Variants in PMFBP1 observed in about 807,000 individuals in gnomAD.
PMFBP1 encodes the protein polyamine-modulated factor 1-binding protein 1.
PMFBP1 carries 131 observed loss-of-function variants against 137.8 expected under a neutral mutation model. That is an observed-to-expected ratio of 0.95 (90% CI 0.82 to 1.10). The LOEUF is 1.10. Ranked by LOEUF, PMFBP1 falls within the 50% of genes least tolerant of loss-of-function variation. PMFBP1 has a pLI of 0.00. For synonymous variants in PMFBP1, 490 were observed against 450.4 expected, an observed-to-expected ratio of 1.09 and a Z score of -1.11; for missense variants, 1,199 against 1,175.4, an observed-to-expected ratio of 1.02 and a Z score of -0.29.
the PMFBP1 span, among the ~76,000 whole-genome samples, chr16:72,249,920 C>CAAAAAAAAAAAAAAA: frequency 6.6e-5 from 2 of 30,124 alleles, no homozygotes; most frequent in Non-Finnish European, 1.2e-4. Flanking sequence ...GACTCCATCG[C>CAAAAAAAAAAAAAAA]AAAAAAAAAA....
At chr16:72,207,590 G>C in the PMFBP1 span, among the ~76,000 whole-genome samples, 1 of 151,966 alleles carries the variant, frequency 6.6e-6, no homozygotes, top group Non-Finnish European at 1.5e-5. Context: ...AGAACTAAGA[G>C]GTAACTCCAG....
chr16:72,140,604 G>C (rs200217316), intron 5 of PMFBP1, 22 bp from the exon 6 acceptor site: 67 of 1,601,344 alleles, frequency 4.2e-5, no homozygotes, highest in Non-Finnish European at 5.5e-5. Context: ...AAAAATAATG[G>C]GTTGATTTTG....
the PMFBP1 span, among the ~76,000 whole-genome samples, chr16:72,210,111 C>A: frequency 3.3e-5 from 5 of 152,200 alleles, no homozygotes; most frequent in Non-Finnish European, 7.3e-5. Flanking sequence ...CCACCTGTAC[C>A]ATTAGGAGTG....
chr16:72,233,940 A>G, the PMFBP1 span, among the ~76,000 whole-genome samples: 1 of 152,150 alleles, frequency 6.6e-6, no homozygotes, highest in Admixed American at 6.5e-5. Flanking sequence ...GCCAAATAAT[A>G]TTCCATTGTA....
At chr16:72,119,624 T>C (rs908107908) in intron 20 of PMFBP1, 12 of 1,444,128 alleles carry the variant, frequency 8.3e-6, no homozygotes, top group Non-Finnish European at 1.1e-5. Flanking sequence ...AGGGGGCAGG[T>C]CTGAGATGTG....
chr16:72,208,173 T>C, the PMFBP1 span, among the ~76,000 whole-genome samples: 1 of 152,220 alleles, frequency 6.6e-6, no homozygotes, highest in Non-Finnish European at 1.5e-5. Flanking sequence ...CAAGATAATG[T>C]GTGGCCAAAT....
At chr16:72,143,110 T>C (rs368672144) in intron 5 of PMFBP1, among the ~76,000 whole-genome samples, 1 of 152,250 alleles carries the variant, frequency 6.6e-6, no homozygotes, top group African/African-American at 2.4e-5. Flanking sequence ...AAACATCTGA[T>C]AAAATTCAAC....
At chr16:72,124,681 C>CA (rs879930274) in intron 17 of PMFBP1, 86 bp downstream of exon 17, 11 of 1,502,844 alleles carry the variant, frequency 7.3e-6, no homozygotes, top group Non-Finnish European at 8.1e-6. Context: ...CTCCCACCCC[C>CA]ACCAAGGGCT....
At chr16:72,127,629 T>C (rs758002541) in intron 14 of PMFBP1, among the ~76,000 whole-genome samples, 2 of 152,206 alleles carry the variant, frequency 1.3e-5, no homozygotes, top group Non-Finnish European at 2.9e-5. Flanking sequence ...AATCTACATA[T>C]AGAAGTATGT....
chr16:72,163,239 T>C (rs1169360008), intron 3 of PMFBP1, among the ~76,000 whole-genome samples: 1 of 152,114 alleles, frequency 6.6e-6, no homozygotes, highest in African/African-American at 2.4e-5. Context: ...AGACCACAAG[T>C]AAAGAATTCT....
chr16:72,193,851 C>T, the PMFBP1 span, among the ~76,000 whole-genome samples: 1 of 152,120 alleles, frequency 6.6e-6, no homozygotes, highest in Non-Finnish European at 1.5e-5. Context: ...CGCACACATA[C>T]CACCGCTAGC....
the PMFBP1 span, among the ~76,000 whole-genome samples, chr16:72,241,667 C>G: frequency 6.6e-6 from 1 of 152,170 alleles, no homozygotes; most frequent in Non-Finnish European, 1.5e-5. Context: ...CTGTTTTCAT[C>G]TACTAAGTAA....
chr16:72,123,624 AC>A lies in PMFBP1; in HGVS notation c.2614del (p.Val872CysfsTer16). ...KEPCCLPQWS[V>X]PKDTCRLYRG... ...GTAGAGCCTACAGGTGTCTTTGGGC[AC>A]AGACCACTGGGGCAGGCAGCAGGGC... On this transcript the variant is annotated frameshift_variant, in exon 18 of 21. Coordinates refer to ENST00000237353, the MANE Select transcript of PMFBP1 (RefSeq NM_031293.3). LOFTEE classifies it high-confidence loss of function. 6.2e-7 allele frequency: 1 copy of A among 1,614,068 alleles called. No homozygotes were observed.
At position 72,129,047 on chromosome 16, in the gene PMFBP1, C is replaced by G. The variant is rs746079474; in HGVS notation, c.1950+19G>C. 7 of 1,611,724 alleles carry G rather than the reference C, an allele frequency of 4.3e-6. No homozygotes were observed. In the South Asian group the frequency reaches 5.5e-5, roughly 13 times the overall value. On this transcript the variant is annotated intron_variant, in intron 13 of 20. Transcript: ENST00000237353. ...GCTCTGGATTCCTGACCCAGCTCTC[C>G]TGGGATTCTCCCACTCACCGTCTTG...
the PMFBP1 span, among the ~76,000 whole-genome samples, chr16:72,230,844 GCTCC>G: frequency 6.6e-6 from 1 of 152,214 alleles, no homozygotes; most frequent in East Asian, 1.9e-4. Context: ...TTCTGGTCTT[GCTCC>G]CTCCATTCCA....
chr16:72,204,190 A>ATTTTTTTTTTTTTTTTT, the PMFBP1 span, among the ~76,000 whole-genome samples: 1 of 140,210 alleles, frequency 7.1e-6, no homozygotes, highest in African/African-American at 2.6e-5. Flanking sequence ...ACTCATGCGC[A>ATTTTTTTTTTTTTTTTT]TTTTTTTTTT....
chr16:72,169,161 T>C (rs1327828803), intron 2 of PMFBP1, among the ~76,000 whole-genome samples: 2 of 152,216 alleles, frequency 1.3e-5, no homozygotes, highest in African/African-American at 2.4e-5. Flanking sequence ...TGGGATATTA[T>C]CTTATTTGTC....
the PMFBP1 span, among the ~76,000 whole-genome samples, chr16:72,223,427 G>T: frequency 8.5e-5 from 13 of 152,320 alleles, no homozygotes; most frequent in Middle Eastern, 6.8e-3. Flanking sequence ...TTGTAACCCA[G>T]AAGATGCCAA....
intron 3 of PMFBP1, among the ~76,000 whole-genome samples, chr16:72,155,887 C>T (rs140899471): frequency 2.6e-5 from 4 of 152,288 alleles, no homozygotes; most frequent in South Asian, 2.1e-4. Flanking sequence ...CAGGCAACCA[C>T]AAATCTGCTT....
Sources: gnomAD v4.1 joint callset for allele counts (sites outside exome capture counted in the v4.1 genomes callset) on GRCh38, gnomAD v4.1.1 for gene constraint, MANE v1.5 for transcripts, NCBI Gene and HGNC (gene_info 2026-07-23, HGNC 2026-07-21) for gene names.